PCDHA6: variants seen among roughly 807,000 people sequenced by gnomAD.
The protein encoded by PCDHA6 is protocadherin alpha-6.
Under a neutral mutation model 60.3 loss-of-function variants are expected in PCDHA6, and 55 were observed. The observed-to-expected ratio is 0.91, with a 90% confidence interval of 0.73 to 1.14. The LOEUF (loss-of-function observed/expected upper bound fraction) is 1.14, where lower values mean the gene tolerates loss of function less well. Among genes scored for constraint, PCDHA6 ranks in the 50% most tolerant of loss-of-function variants. The pLI, the probability that PCDHA6 is intolerant of heterozygous loss-of-function variation, is 0.00. For synonymous variants in PCDHA6, 652 were observed against 557.9 expected (o/e 1.17, Z -2.38); for missense variants, 1,327 against 1,256.5 (o/e 1.06, Z -0.85).
In PCDHA6 at chr5:140,830,099, G is replaced by A. The variant is rs2150181082; in HGVS notation, c.2008G>A (p.Val670Met). The change falls in exon 1 of 4, where the codon GTG becomes ATG. Residue 670 changes from valine (V) to methionine (M), a missense_variant. Transcript: ENST00000529310. ...TATATVLVSL[V>M]ESGQAPKASS... ...GACGGCCACGGTTCTGGTGTCGCTG[G>A]TGGAGAGTGGCCAGGCTCCAAAGGC... 6 of 1,613,520 alleles carry A rather than the reference G, an allele frequency of 3.7e-6. No homozygotes were observed. In the African/African-American group the frequency reaches 4.0e-5, roughly 11 times the overall value.
intron 3 of PCDHA6, among the ~76,000 whole-genome samples, chr5:141,003,690 T>C (rs1441506131): frequency 2.0e-5 from 3 of 152,232 alleles, no homozygotes; most frequent in African/African-American, 7.2e-5. Flanking sequence ...TTTTAAAATA[T>C]ATCCCTACCA....
chr5:140,874,334 C>A (rs2153310267), intron 1 of PCDHA6, among the ~76,000 whole-genome samples: 1 of 152,166 alleles, frequency 6.6e-6, no homozygotes, highest in South Asian at 2.1e-4. Context: ...CTGTTTTTTT[C>A]TCTTAAAGCT....
chr5:141,001,126 C>A (rs2097993222), intron 3 of PCDHA6, among the ~76,000 whole-genome samples: 1 of 151,970 alleles, frequency 6.6e-6, no homozygotes, highest in African/African-American at 2.4e-5. Context: ...AGTCCTTAAA[C>A]AAATGAATCT....
intron 1 of PCDHA6, among the ~76,000 whole-genome samples, chr5:140,926,081 T>C (rs2153580512): frequency 6.6e-6 from 1 of 152,334 alleles, no homozygotes; most frequent in Admixed American, 6.5e-5. Flanking sequence ...TCTATTGCCC[T>C]CTTGGCAGCT....
intron 1 of PCDHA6, among the ~76,000 whole-genome samples, chr5:140,891,046 C>T (rs576145840): frequency 6.6e-6 from 1 of 152,270 alleles, no homozygotes; most frequent in African/African-American, 2.4e-5. Context: ...GTGACCCCCA[C>T]AGCACATAGT....
Position 141,009,940 on chromosome 5 carries a change from T to G in PCDHA6, c.*3T>G, listed in dbSNP as rs782531781. ...CGACTGACAACAGTGACCAGTGAGG[T>G]CCTCAAATGGAAACAAGCCACTTAG... On this transcript the variant is annotated 3_prime_UTR_variant, in exon 4 of 4. Transcript: ENST00000529310. 7 of 1,598,042 alleles carry G rather than the reference T, an allele frequency of 4.4e-6. No homozygotes were observed. The highest frequency in any genetic ancestry group is 4.3e-6 in the Non-Finnish European group (5 of 1,174,556).
intron 1 of PCDHA6, among the ~76,000 whole-genome samples, chr5:140,965,278 C>T (rs1554227554): frequency 6.6e-6 from 1 of 152,176 alleles, no homozygotes; most frequent in African/African-American, 2.4e-5. Flanking sequence ...AATGACACAG[C>T]ATGGAAAGAT....
chr5:140,863,202 G>A (rs559007513), intron 1 of PCDHA6: 5 of 934,632 alleles, frequency 5.3e-6, no homozygotes, highest in African/African-American at 1.7e-5. Flanking sequence ...CGTCGCTGGC[G>A]GAGAGCAGCC....
rs200693140 is a variant in PCDHA6, at chr5:140,850,298, G to A, written c.2394+19813G>A. 1.0e-5 allele frequency: 16 copies of A among 1,596,354 alleles called. 2 individuals are homozygous for A. The South Asian group carries it at 1.3e-4, about 13-fold the overall frequency. On this transcript the variant is annotated intron_variant, in intron 1 of 3. Coordinates refer to ENST00000529310, the MANE Select transcript of PCDHA6 (RefSeq NM_018909.4). Reference sequence around the variant, plus strand: ...AGGTGCGCGCAGTGGACGCCGACTCGGGCTACAACGCGTGGCTTTCATACG... The same window carrying A: ...AGGTGCGCGCAGTGGACGCCGACTCAGGCTACAACGCGTGGCTTTCATACG...
chr5:140,830,192 A>T lies in PCDHA6; in HGVS notation c.2101A>T (p.Ile701Phe). The T allele has an allele frequency of 1.2e-6, 2 of 1,613,630 alleles. No individual in the cohort carries two copies. The highest frequency in any genetic ancestry group is 1.7e-6 in the Non-Finnish European group (2 of 1,179,862). The change falls in exon 1 of 4, where the codon ATC (isoleucine) becomes TTC (phenylalanine). Residue 701 changes from isoleucine (I) to phenylalanine (F), a missense_variant. By Grantham distance (21) the Ile-to-Phe change is conservative (BLOSUM62 0). Transcript: ENST00000529310. ...AALVDVNVYL[I>F]IAICAVSSLL... ...GCTGGTGGATGTCAACGTGTACCTG[A>T]TCATCGCCATCTGCGCGGTATCCAG...
chr5:140,834,220 A>T (rs4151685), intron 1 of PCDHA6: 3 of 685,996 alleles, frequency 4.4e-6, no homozygotes, highest in Non-Finnish European at 7.2e-6. Context: ...CGTAATCAGC[A>T]AAAGGAAGTC....
chr5:140,862,236 A>G (rs2047269421), intron 1 of PCDHA6: 1 of 213,620 alleles, frequency 4.7e-6, no homozygotes, highest in African/African-American at 2.3e-5. Context: ...CTTGGACATC[A>G]ATGATAGTGT....
chr5:140,830,576 T>G, intron 1 of PCDHA6, 91 bp downstream of exon 1: 3 of 821,498 alleles, frequency 3.7e-6, no homozygotes, highest in Non-Finnish European at 5.1e-6. Flanking sequence ...TGTTTTTAAT[T>G]TTTAATTAAT....
chr5:140,852,300 C>A (rs1056866634), intron 1 of PCDHA6: 2 of 445,888 alleles, frequency 4.5e-6, no homozygotes, highest in East Asian at 1.5e-4. Flanking sequence ...TTTTCTGAGA[C>A]GGAGTCGTTT....
intron 1 of PCDHA6, among the ~76,000 whole-genome samples, chr5:140,839,337 T>C (rs1776156207): frequency 6.6e-6 from 1 of 151,424 alleles, no homozygotes; most frequent in Non-Finnish European, 1.5e-5. Context: ...CTGAAGTTGA[T>C]AGGGGATCCT....
At chr5:140,960,064 T>G (rs1352718360) in intron 1 of PCDHA6, among the ~76,000 whole-genome samples, 1 of 152,208 alleles carries the variant, frequency 6.6e-6, no homozygotes, top group Admixed American at 6.5e-5. Flanking sequence ...TACAGAAGAT[T>G]CAATTGAAGT....
At chr5:140,994,059 A>G (rs2097593470) in intron 3 of PCDHA6, among the ~76,000 whole-genome samples, 5 of 152,174 alleles carry the variant, frequency 3.3e-5, no homozygotes, top group Admixed American at 3.3e-4. Context: ...GCCCTTATAA[A>G]TCTAATGGTG....
chr5:140,839,742 T>A (rs1554137563), intron 1 of PCDHA6, among the ~76,000 whole-genome samples: 2 of 152,054 alleles, frequency 1.3e-5, no homozygotes, highest in Non-Finnish European at 2.9e-5. Flanking sequence ...ATACCCTTAT[T>A]TGCCTTTCCT....
intron 1 of PCDHA6, chr5:140,857,783 C>G: frequency 1.3e-6 from 2 of 1,597,710 alleles, no homozygotes; most frequent in Middle Eastern, 1.7e-4. Flanking sequence ...AGTCAGTGAG[C>G]TGGTGCTGCG....
Sources: gnomAD v4.1 joint callset for allele counts (sites outside exome capture counted in the v4.1 genomes callset) on GRCh38, gnomAD v4.1.1 for gene constraint, MANE v1.5 for transcripts, NCBI Gene and HGNC (gene_info 2026-07-23, HGNC 2026-07-21) for gene names.